EPG5: variants seen among roughly 807,000 people sequenced by gnomAD.
The protein encoded by EPG5 is ectopic P-granules 5 autophagy tethering factor.
Under a neutral mutation model 302.7 loss-of-function variants are expected in EPG5, and 159 were observed. The ratio of observed to expected loss-of-function variants is 0.53; its 90% CI spans 0.46 to 0.60. The LOEUF (loss-of-function observed/expected upper bound fraction) is 0.60, where lower values mean the gene tolerates loss of function less well. Ranked by LOEUF, EPG5 falls within the 20% of genes least tolerant of loss-of-function variation. The probability of loss-of-function intolerance (pLI) is 0.00; values close to 1 mark genes in which losing one functional copy is unlikely to be tolerated. For missense variants in EPG5, 2,896 were observed against 3,092.4 expected (o/e 0.94, Z 1.51); for synonymous variants, 1,158 against 1,136.8 (o/e 1.02, Z -0.37).
rs201880574 is a variant in EPG5 at position 45,872,074 on chromosome 18, A to AT, written c.6050-1333dup. 6.6e-3 allele frequency among the ~76,000 whole-genome samples: 1,012 copies of AT among 152,318 alleles called. 9 individuals are homozygous for AT. Among genetic ancestry groups the AT allele is most frequent in the Middle Eastern group, 0.024 (7 of 294 alleles). ...GATTTGTTAATCAAAAATAACATTA[A>AT]TTTTTTAATTTTAGAAACGGTGGAA... On this transcript the variant is annotated intron_variant, in intron 35 of 43. Coordinates refer to ENST00000282041, the MANE Select transcript of EPG5 (RefSeq NM_020964.3).
chr18:45,903,077 C>G (rs1186481126), intron 25 of EPG5, among the ~76,000 whole-genome samples: 1 of 152,056 alleles, frequency 6.6e-6, no homozygotes. Context: ...AGGGCATGAA[C>G]GGAAATCATT....
chr18:45,803,561 C>A, the EPG5 span, among the ~76,000 whole-genome samples: 24 of 152,170 alleles, frequency 1.6e-4, no homozygotes, highest in Non-Finnish European at 3.4e-4. Flanking sequence ...AACTGGCAGA[C>A]AGAGTTTGAG....
Position 45,928,796 on chromosome 18 carries a change from C to T in EPG5, c.2553+73G>A, listed in dbSNP as rs1318814757. The T allele has an allele frequency of 2.8e-6, 4 of 1,430,744 alleles. No individual in the cohort carries two copies. The East Asian group carries it at 9.2e-5, about 33-fold the overall frequency. The allele number at this position is 1,430,744 out of a possible 1,614,324, so 88.6% of individuals were successfully genotyped here. A position where few individuals can be genotyped will look rare whatever the true frequency, so the allele number is the denominator to read the frequency against. On this transcript the variant is annotated intron_variant, in intron 13 of 43. Coordinates refer to ENST00000282041, the MANE Select transcript of EPG5 (RefSeq NM_020964.3). ...TAGTGACAAGATCATTCCCAAGAAC[C>T]TTCCTATTTTTGCCAATGTTCCATT...
rs2050011322 is a variant in EPG5, at chr18:45,915,588, G to A, written c.3616C>T (p.Leu1206Phe). The stretch of plus-strand genomic sequence containing the variant: ...ACAATCCAGCTTACCAAAGATGAGA[G>A]CAGACTCCGGTCACAGTGGTAACCC... ...ALGYHCDRSLLSSLVSWIVAG... is the reference protein window; with the variant it reads ...ALGYHCDRSLFSSLVSWIVAG... Residue 1206 changes from leucine to phenylalanine, a missense_variant, in exon 20 of 44, where the codon CTC (leucine) becomes TTC (phenylalanine). Transcript: ENST00000282041. The A allele has an allele frequency of 6.2e-7, 1 of 1,614,188 alleles. No individual in the cohort carries two copies. Among genetic ancestry groups the A allele is most frequent in the East Asian group, 2.2e-5 (1 of 44,880 alleles).
chr18:45,950,241 A>AT (rs1211892617), intron 4 of EPG5, among the ~76,000 whole-genome samples: 1 of 152,220 alleles, frequency 6.6e-6, no homozygotes, highest in East Asian at 1.9e-4. Context: ...CATAAACATA[A>AT]TAAGATATCT....
the EPG5 span, chr18:45,840,284 C>G: frequency 3.8e-6 from 6 of 1,591,448 alleles, no homozygotes; most frequent in African/African-American, 5.4e-5. Flanking sequence ...CCCCACCCAC[C>G]TAGTCCTCAT....
chr18:45,812,032 C>T, the EPG5 span, among the ~76,000 whole-genome samples: 1 of 152,146 alleles, frequency 6.6e-6, no homozygotes, highest in Non-Finnish European at 1.5e-5. Flanking sequence ...CGTCTCAGCC[C>T]AAAATCTCCT....
At chr18:45,842,440 T>A in the EPG5 span, 4,948 of 456,148 alleles carry the variant, frequency 0.011, 140 homozygotes, top group African/African-American at 0.085. Context: ...TGTGTGTGTG[T>A]GTGAGAGAGA....
At chr18:45,923,749 C>T (rs2050207500) in intron 14 of EPG5, among the ~76,000 whole-genome samples, 1 of 152,210 alleles carries the variant, frequency 6.6e-6, no homozygotes, top group Non-Finnish European at 1.5e-5. Flanking sequence ...AATGAACTGT[C>T]TAGGCGTGGT....
intron 12 of EPG5, among the ~76,000 whole-genome samples, chr18:45,930,384 G>A (rs906118840): frequency 3.9e-5 from 6 of 152,138 alleles, no homozygotes; most frequent in Admixed American, 6.5e-5. Flanking sequence ...GGGTGGGGGC[G>A]AGGGAAACAT....
At chr18:45,815,797 T>C in the EPG5 span, among the ~76,000 whole-genome samples, 1 of 152,200 alleles carries the variant, frequency 6.6e-6, no homozygotes, top group Non-Finnish European at 1.5e-5. Flanking sequence ...AATTCTGAAA[T>C]TCATATAGAA....
intron 35 of EPG5, 26 bp downstream of exon 35, chr18:45,876,210 G>A: frequency 6.6e-7 from 1 of 1,511,326 alleles, no homozygotes; most frequent in South Asian, 1.1e-5. Context: ...TGAAAACTAA[G>A]CAGAGACAGC....
At position 45,870,745 on chromosome 18, in the gene EPG5, A is replaced by G. The variant is rs778407210; in HGVS notation, c.6050-3T>C. On this transcript the variant is annotated splice_polypyrimidine_tract_variant and splice_region_variant and intron_variant, in intron 35 of 43. Transcript: ENST00000282041. ...TGCATCACCTGGCAACAGCTTATCT[A>G]GAATGTGAAAAGAAAATAGAGCTGA... 6 of 1,584,462 alleles carry G rather than the reference A, an allele frequency of 3.8e-6. No individual in the cohort carries two copies. The African/African-American group carries it at 6.7e-5, about 18-fold the overall frequency.
intron 42 of EPG5, 47 bp from the exon 43 acceptor site, chr18:45,855,734 A>G: frequency 1.6e-6 from 2 of 1,225,506 alleles, no homozygotes; most frequent in Non-Finnish European, 2.4e-6. Flanking sequence ...CTATTAAAGT[A>G]AGCATTTTGA....
intron 14 of EPG5, among the ~76,000 whole-genome samples, chr18:45,924,765 T>C (rs1204349759): frequency 6.6e-6 from 1 of 152,184 alleles, no homozygotes; most frequent in Non-Finnish European, 1.5e-5. Context: ...GTTTAACCTT[T>C]ACAACAACTC....
intron 36 of EPG5, among the ~76,000 whole-genome samples, chr18:45,868,857 C>T (rs2048809207): frequency 6.6e-6 from 1 of 151,300 alleles, no homozygotes; most frequent in Non-Finnish European, 1.5e-5. Context: ...AGATTGAGAC[C>T]ATCCTGGCTA....
the EPG5 span, among the ~76,000 whole-genome samples, chr18:45,830,079 A>C: frequency 1.3e-5 from 2 of 152,052 alleles, no homozygotes; most frequent in Non-Finnish European, 2.9e-5. Context: ...GAAACCGACA[A>C]GCAGCTCAGC....
At chr18:45,893,997 T>C (rs1242668739) in intron 27 of EPG5, among the ~76,000 whole-genome samples, 3 of 152,154 alleles carry the variant, frequency 2.0e-5, no homozygotes, top group Non-Finnish European at 2.9e-5. Context: ...GCACTGACTG[T>C]ATGAGGCACT....
At chr18:45,839,115 G>C in the EPG5 span, 2 of 1,365,196 alleles carry the variant, frequency 1.5e-6, no homozygotes, top group Non-Finnish European at 9.4e-7. Context: ...CCCCAGACAC[G>C]GGTGGCCGCG....
Sources: allele counts gnomAD v4.1 joint callset (sites outside exome capture counted in the v4.1 genomes callset), GRCh38; gene constraint gnomAD v4.1.1; transcripts MANE v1.5; gene names NCBI Gene and HGNC (gene_info 2026-07-23, HGNC 2026-07-21).